Variants in FILIP1L observed in about 807,000 individuals in gnomAD.
The protein encoded by FILIP1L is filamin A-interacting protein 1-like.
In FILIP1L, 55 loss-of-function variants were observed where a neutral mutation model predicts 96.6. That is an observed-to-expected ratio of 0.57 (90% CI 0.46 to 0.71). The LOEUF is 0.71. Ranked by LOEUF, FILIP1L falls within the 30% of genes least tolerant of loss-of-function variation. The pLI, the probability that FILIP1L is intolerant of heterozygous loss-of-function variation, is 0.00. For missense variants in FILIP1L, 1,304 were observed against 1,321.2 expected (o/e 0.99, Z 0.20); for synonymous variants, 467 against 473.9 (o/e 0.99, Z 0.19).
chr3:99,953,068 T>A (rs185265506), intron 1 of FILIP1L, among the ~76,000 whole-genome samples: 4 of 152,312 alleles, frequency 2.6e-5, no homozygotes, highest in African/African-American at 2.4e-5. Flanking sequence ...AAAATTGTCA[T>A]CTTGATAAAA....
chr3:100,043,371 G>A (rs1303214152), intron 1 of FILIP1L, among the ~76,000 whole-genome samples: 1 of 152,072 alleles, frequency 6.6e-6, no homozygotes, highest in Non-Finnish European at 1.5e-5. Flanking sequence ...TTAAATATTT[G>A]TTTCCTTCGT....
intron 5 of FILIP1L, among the ~76,000 whole-genome samples, chr3:99,844,117 C>T (rs973528311): frequency 6.6e-6 from 1 of 152,138 alleles, no homozygotes. Flanking sequence ...AGCTGTGGCT[C>T]ACTGCCACTA....
chr3:99,910,895 T>C (rs999352992), intron 4 of FILIP1L, among the ~76,000 whole-genome samples: 28 of 152,184 alleles, frequency 1.8e-4, no homozygotes, highest in South Asian at 8.3e-4. Context: ...AGTTATATTC[T>C]CTAAGTAAGG....
At chr3:99,843,483 G>A (rs1943221682) in intron 5 of FILIP1L, among the ~76,000 whole-genome samples, 1 of 152,160 alleles carries the variant, frequency 6.6e-6, no homozygotes, top group Non-Finnish European at 1.5e-5. Flanking sequence ...TTTAAAGAGA[G>A]GGACTATGGT....
intron 1 of FILIP1L, among the ~76,000 whole-genome samples, chr3:99,933,964 T>A (rs1576583596): frequency 1.3e-5 from 2 of 152,344 alleles, no homozygotes; most frequent in Middle Eastern, 6.8e-3. Flanking sequence ...CAGCTTCAGC[T>A]TTCTTACAGC....
Position 100,037,603 on chromosome 3 carries a change from T to C in FILIP1L, c.-11+76450A>G, listed in dbSNP as rs555707029. On this transcript the variant is annotated intron_variant, in intron 1 of 5. Transcript: ENST00000477258. The stretch of plus-strand genomic sequence containing the variant: ...CTACAGAAATCCTTTTAGCAATCTT[T>C]ATGTTCAAATCATAAAATGTATAAA... Among the ~76,000 whole-genome samples, 14 of 152,352 alleles carry C rather than the reference T, an allele frequency of 9.2e-5. No individual in the cohort carries two copies. In the East Asian group the frequency reaches 2.7e-3, roughly 29 times the overall value.
intron 4 of FILIP1L, among the ~76,000 whole-genome samples, chr3:99,864,760 G>T (rs1386518102): frequency 2.0e-5 from 3 of 151,954 alleles, no homozygotes; most frequent in African/African-American, 4.8e-5. Flanking sequence ...ACACGGCATG[G>T]TGTGCTTTTG....
intron 1 of FILIP1L, among the ~76,000 whole-genome samples, chr3:99,995,929 G>A (rs973029543): frequency 1.3e-5 from 2 of 152,170 alleles, no homozygotes; most frequent in African/African-American, 4.8e-5. Flanking sequence ...TGACTGGAGG[G>A]GCTTGTGTGA....
At position 100,001,152 on chromosome 3, in the gene FILIP1L, T is replaced by A. The variant is rs143283732; in HGVS notation, c.-10-70122A>T. On this transcript the variant is annotated intron_variant, in intron 1 of 5. Transcript: ENST00000477258. ...TGGCTTAGATTTAAATAGGGTTAAGTGGTGATAAATTTAGTAGTAGTAGCC... is the reference window on the plus strand; with the variant it reads ...TGGCTTAGATTTAAATAGGGTTAAGAGGTGATAAATTTAGTAGTAGTAGCC... Among the ~76,000 whole-genome samples the A allele has an allele frequency of 2.1e-3, 314 of 152,334 alleles. 1 individual carries two copies. The highest frequency in any genetic ancestry group is 1.5e-3 in the Non-Finnish European group (104 of 68,014).
chr3:100,041,869 A>T (rs1410260811), intron 1 of FILIP1L, among the ~76,000 whole-genome samples: 1 of 150,834 alleles, frequency 6.6e-6, no homozygotes. Context: ...TCACATGCTG[A>T]CCCCAACTAC....
chr3:99,923,400 G>A (rs1707184755), intron 4 of FILIP1L, among the ~76,000 whole-genome samples: 1 of 152,100 alleles, frequency 6.6e-6, no homozygotes, highest in African/African-American at 2.4e-5. Flanking sequence ...AAACCATCCT[G>A]CCTGATCAAA....
chr3:99,995,718 A>G (rs928143079), intron 1 of FILIP1L, among the ~76,000 whole-genome samples: 2 of 152,174 alleles, frequency 1.3e-5, no homozygotes, highest in East Asian at 3.9e-4. Flanking sequence ...ACTTCTGTGC[A>G]CTCACAGGTT....
At chr3:99,914,764 G>A (rs1404447718) in intron 4 of FILIP1L, among the ~76,000 whole-genome samples, 2 of 152,166 alleles carry the variant, frequency 1.3e-5, no homozygotes, top group African/African-American at 4.8e-5. Flanking sequence ...TGGAATGTGA[G>A]GCCATTCAGG....
In FILIP1L at chr3:99,929,915, CATCTCTCTGGAGAGCCTCTA is replaced by C. The variant is rs1396656510; in HGVS notation, c.347_366del (p.Leu116CysfsTer15). On this transcript the variant is annotated frameshift_variant, in exon 3 of 6. Transcript: ENST00000477258. LOFTEE classifies it high-confidence loss of function. ...CAAGGGGTAGATTTCGCTTGAAAAGCATCTCTCTGGAGAGCCTCTAACACCTTTTTTGGAGTGACAAACCC... is the reference window on the plus strand; with the variant it reads ...CAAGGGGTAGATTTCGCTTGAAAAGCACACCTTTTTTGGAGTGACAAACCC... The C allele has an allele frequency of 6.2e-7, 1 of 1,613,704 alleles. No homozygotes were observed. The highest frequency in any genetic ancestry group is 1.7e-5 in the Admixed American group (1 of 59,932).
intron 1 of FILIP1L, among the ~76,000 whole-genome samples, chr3:100,014,049 G>A (rs977419706): frequency 1.2e-4 from 18 of 151,760 alleles, no homozygotes; most frequent in African/African-American, 1.7e-4. Context: ...TTAAGATTCC[G>A]CATGTAAGTG....
intron 3 of FILIP1L, among the ~76,000 whole-genome samples, chr3:99,928,079 G>T (rs1576578956): frequency 6.6e-6 from 1 of 152,148 alleles, no homozygotes; most frequent in Admixed American, 6.5e-5. Context: ...TCAAGATGGG[G>T]GAATGCAAAA....
chr3:99,930,112 C>T, intron 2 of FILIP1L, 83 bp from the exon 3 acceptor site: 1 of 1,121,012 alleles, frequency 8.9e-7, no homozygotes, highest in Non-Finnish European at 1.3e-6. Context: ...GTTGGCAGTG[C>T]TTTTTCTTCT....
At chr3:100,037,983 T>C (rs2065139386) in intron 1 of FILIP1L, among the ~76,000 whole-genome samples, 1 of 142,392 alleles carries the variant, frequency 7.0e-6, no homozygotes. Context: ...GAGTCTCAAA[T>C]CTCGCTCTGT....
chr3:100,067,016 CAG>C (rs2065677510), intron 1 of FILIP1L, among the ~76,000 whole-genome samples: 1 of 152,194 alleles, frequency 6.6e-6, no homozygotes, highest in Non-Finnish European at 1.5e-5. Context: ...TGAGATTCCT[CAG>C]TCAAGTGTGC....
Sources: allele counts gnomAD v4.1 joint callset (sites outside exome capture counted in the v4.1 genomes callset), GRCh38; gene constraint gnomAD v4.1.1; transcripts MANE v1.5; gene names NCBI Gene and HGNC (gene_info 2026-07-23, HGNC 2026-07-21).